SH3D19: variants seen among roughly 807,000 people sequenced by gnomAD.
The protein encoded by SH3D19 is SH3 domain containing 19.
In SH3D19, 58 loss-of-function variants were observed where a neutral mutation model predicts 112.1. The observed-to-expected ratio is 0.52, with a 90% confidence interval of 0.42 to 0.64. SH3D19 has a LOEUF of 0.64. Among genes scored for constraint, SH3D19 ranks in the 30% least tolerant of loss-of-function variants. The pLI is 0.00. For missense variants in SH3D19, 1,090 were observed against 1,263.4 expected, an observed-to-expected ratio of 0.86 and a Z score of 2.08; for synonymous variants, 391 against 448.5, an observed-to-expected ratio of 0.87 and a Z score of 1.62.
chr4:151,168,232 A>C (rs1416904545), intron 7 of SH3D19, among the ~76,000 whole-genome samples: 2 of 151,724 alleles, frequency 1.3e-5, no homozygotes, highest in African/African-American at 4.8e-5. Context: ...AAAAAGCAGA[A>C]CAAGGTGAGG....
chr4:151,320,273 G>C (rs1166074985), intron 1 of SH3D19, among the ~76,000 whole-genome samples: 1 of 152,186 alleles, frequency 6.6e-6, no homozygotes, highest in Non-Finnish European at 1.5e-5. Context: ...TACTCTTCCA[G>C]ATGTTGGGAG....
At chr4:151,275,276 A>AT (rs1344856253) in intron 1 of SH3D19, among the ~76,000 whole-genome samples, 1 of 151,858 alleles carries the variant, frequency 6.6e-6, no homozygotes, top group Non-Finnish European at 1.5e-5. Context: ...TTTAGTAGAG[A>AT]CGGGTTTTCA....
intron 16 of SH3D19, 100 bp downstream of exon 16, chr4:151,132,934 A>C: frequency 9.8e-7 from 1 of 1,018,846 alleles, no homozygotes. Flanking sequence ...CTACCGTAAA[A>C]ATATGGCAAT....
At chr4:151,193,755 T>C (rs1001030532) in intron 2 of SH3D19, among the ~76,000 whole-genome samples, 1 of 152,198 alleles carries the variant, frequency 6.6e-6, no homozygotes, top group East Asian at 1.9e-4. Context: ...CTGCAACATA[T>C]GAGCTCAGAA....
At chr4:151,236,869 T>C (rs1313732350) in intron 1 of SH3D19, among the ~76,000 whole-genome samples, 2 of 152,206 alleles carry the variant, frequency 1.3e-5, no homozygotes, top group Non-Finnish European at 2.9e-5. Flanking sequence ...CAGCTGTCTG[T>C]AAAACGGACT....
chr4:151,296,034 C>A (rs201844474), intron 1 of SH3D19, among the ~76,000 whole-genome samples: 914 of 124,524 alleles, frequency 7.3e-3, no homozygotes, highest in African/African-American at 8.4e-3. Context: ...GGCTCCGTCT[C>A]AAAAAAAAAA....
At position 151,285,890 on chromosome 4, in the gene SH3D19, T is replaced by C. The variant is rs983479110; in HGVS notation, c.112+39351A>G. 3.3e-5 allele frequency among the ~76,000 whole-genome samples: 5 copies of C among 151,238 alleles called. No homozygotes were observed. In the East Asian group the frequency reaches 9.7e-4, roughly 29 times the overall value. ...GCTCTGTCTCTTAAAAATATATATA[T>C]ACATAAATAAAACTAAAAAAAAGGC... On this transcript the variant is annotated intron_variant, in intron 1 of 19. Coordinates refer to ENST00000604030, the MANE Select transcript of SH3D19 (RefSeq NM_001378122.1).
intron 1 of SH3D19, among the ~76,000 whole-genome samples, chr4:151,246,436 A>G (rs1770951748): frequency 6.6e-6 from 1 of 152,236 alleles, no homozygotes; most frequent in African/African-American, 2.4e-5. Flanking sequence ...AGCCATTCTT[A>G]GCTACCATTG....
intron 1 of SH3D19, among the ~76,000 whole-genome samples, chr4:151,273,537 C>T (rs1773372170): frequency 7.2e-6 from 1 of 138,986 alleles, no homozygotes; most frequent in Admixed American, 8.3e-5. Context: ...TTGCAGTGAG[C>T]CGAGATTACG....
intron 12 of SH3D19, chr4:151,140,578 G>T (rs528959461): frequency 1.3e-5 from 2 of 152,302 alleles, no homozygotes; most frequent in East Asian, 3.9e-4. Context: ...TTATTGACTA[G>T]CAATTGTTAT....
intron 2 of SH3D19, among the ~76,000 whole-genome samples, chr4:151,191,945 CTTT>C (rs774312602): frequency 1.8e-4 from 5 of 28,142 alleles, no homozygotes; most frequent in African/African-American, 1.8e-4. Flanking sequence ...ACACCCAGCC[CTTT>C]TTTTTTTTTT....
At chr4:151,254,052 ATTAG>A (rs1451029010) in intron 1 of SH3D19, among the ~76,000 whole-genome samples, 1 of 152,206 alleles carries the variant, frequency 6.6e-6, no homozygotes, top group African/African-American at 2.4e-5. Flanking sequence ...GCACAGTATA[ATTAG>A]TTAAGCCATT....
chr4:151,214,429 C>T, intron 2 of SH3D19, among the ~76,000 whole-genome samples: 1 of 18,482 alleles, frequency 5.4e-5, no homozygotes, highest in East Asian at 4.4e-3. Context: ...CGCCCCTCAC[C>T]TCCCGGACGA....
chr4:151,200,668 G>A (rs1764262974), intron 2 of SH3D19, among the ~76,000 whole-genome samples: 1 of 152,176 alleles, frequency 6.6e-6, no homozygotes, highest in Non-Finnish European at 1.5e-5. Context: ...GAAAATGTTA[G>A]TAATAATGCA....
chr4:151,162,425 C>G lies in SH3D19; in HGVS notation c.1643-3073G>C, dbSNP rs569881517. On this transcript the variant is annotated intron_variant, in intron 8 of 19. Coordinates refer to ENST00000604030, the MANE Select transcript of SH3D19 (RefSeq NM_001378122.1). The stretch of plus-strand genomic sequence containing the variant: ...AGGCTGGTCTCGAACTCCTAGAATT[C>G]AATTTTCTACTAGTTCTTGGAGCTT... Among the ~76,000 whole-genome samples the G allele has an allele frequency of 4.0e-5, 6 of 151,548 alleles. No individual in the cohort carries two copies. The East Asian group carries it at 1.2e-3, about 30-fold the overall frequency.
chr4:151,222,778 T>A (rs1157118447), intron 2 of SH3D19, among the ~76,000 whole-genome samples: 1 of 147,964 alleles, frequency 6.8e-6, no homozygotes, highest in Non-Finnish European at 1.5e-5. Flanking sequence ...GTTCAAGTAA[T>A]TCTCCTGCCT....
chr4:151,135,163 T>A, intron 14 of SH3D19, 31 bp from the exon 15 acceptor site: 1 of 1,538,038 alleles, frequency 6.5e-7, no homozygotes. Context: ...GCAACAATTA[T>A]ATTTTTTTCA....
chr4:151,205,677 CCAACTGCAGT>C (rs1765005083), intron 2 of SH3D19, among the ~76,000 whole-genome samples: 1 of 152,114 alleles, frequency 6.6e-6, no homozygotes, highest in African/African-American at 2.4e-5. Flanking sequence ...ATTACTTAAT[CCAACTGCAGT>C]AAGGGAGCTG....
intron 1 of SH3D19, chr4:151,277,132 C>G: frequency 7.4e-7 from 1 of 1,359,862 alleles, no homozygotes; most frequent in Non-Finnish European, 9.6e-7. Flanking sequence ...GAGCCTGAGT[C>G]CAGGAAGCAG....
Sources: allele counts gnomAD v4.1 joint callset (sites outside exome capture counted in the v4.1 genomes callset), GRCh38; gene constraint gnomAD v4.1.1; transcripts MANE v1.5; gene names NCBI Gene and HGNC (gene_info 2026-07-23, HGNC 2026-07-21).